Variants in ADAMTS12 observed in about 807,000 individuals in gnomAD.
The protein encoded by ADAMTS12 is ADAM metallopeptidase with thrombospondin type 1 motif 12.
ADAMTS12 carries 118 observed loss-of-function variants against 167.8 expected under a neutral mutation model. The ratio of observed to expected loss-of-function variants is 0.70; its 90% CI spans 0.61 to 0.82. The LOEUF is 0.82. Ranked by LOEUF, ADAMTS12 falls within the 40% of genes least tolerant of loss-of-function variation. The pLI is 0.00. For missense variants in ADAMTS12, 1,916 were observed against 1,998.8 expected, an observed-to-expected ratio of 0.96 and a Z score of 0.79; for synonymous variants, 704 against 716.9, an observed-to-expected ratio of 0.98 and a Z score of 0.29.
At chr5:33,573,545 G>A (rs1746504525) in intron 19 of ADAMTS12, among the ~76,000 whole-genome samples, 1 of 152,186 alleles carries the variant, frequency 6.6e-6, no homozygotes, top group African/African-American at 2.4e-5. Context: ...CTAGCCATAT[G>A]TAGAAAGCTG....
chr5:33,832,779 C>A (rs1242491159), intron 2 of ADAMTS12, among the ~76,000 whole-genome samples: 1 of 152,136 alleles, frequency 6.6e-6, no homozygotes, highest in African/African-American at 2.4e-5. Context: ...TACTTTGCTT[C>A]CATTTATATC....
intron 15 of ADAMTS12, among the ~76,000 whole-genome samples, chr5:33,615,094 C>T (rs1271536281): frequency 6.6e-6 from 1 of 152,144 alleles, no homozygotes; most frequent in Admixed American, 6.5e-5. Flanking sequence ...ATTGATTCAC[C>T]TTAAACATAG....
At chr5:33,532,271 C>T (rs1363648115) in intron 23 of ADAMTS12, among the ~76,000 whole-genome samples, 1 of 152,108 alleles carries the variant, frequency 6.6e-6, no homozygotes, top group Non-Finnish European at 1.5e-5. Context: ...TGACTTTGGG[C>T]TTCTTGAGGC....
At chr5:33,774,880 ATATT>A (rs1353322001) in intron 2 of ADAMTS12, among the ~76,000 whole-genome samples, 1 of 152,174 alleles carries the variant, frequency 6.6e-6, no homozygotes, top group Non-Finnish European at 1.5e-5. Flanking sequence ...TGAGAACACT[ATATT>A]TATGTTTATA....
chr5:33,561,616 T>C (rs1745753755), intron 19 of ADAMTS12, among the ~76,000 whole-genome samples: 1 of 152,114 alleles, frequency 6.6e-6, no homozygotes, highest in African/African-American at 2.4e-5. Flanking sequence ...AACCCATCTC[T>C]AAAGAAATTT....
chr5:33,632,222 G>A (rs907979352), intron 12 of ADAMTS12, among the ~76,000 whole-genome samples: 1 of 152,134 alleles, frequency 6.6e-6, no homozygotes, highest in African/African-American at 2.4e-5. Flanking sequence ...TAAAGATGGA[G>A]ATAGACTCTG....
chr5:33,648,547 G>T (rs1448751422), intron 9 of ADAMTS12, among the ~76,000 whole-genome samples: 1 of 152,190 alleles, frequency 6.6e-6, no homozygotes, highest in African/African-American at 2.4e-5. Flanking sequence ...GAGTCTGCAG[G>T]TGTGAATCAC....
In ADAMTS12 at chr5:33,595,930, T is replaced by A; in HGVS notation, c.2654+4A>T. The A allele has an allele frequency of 1.2e-6, 2 of 1,614,056 alleles. No individual in the cohort carries two copies. Among genetic ancestry groups the A allele is most frequent in the Non-Finnish European group, 1.7e-6 (2 of 1,179,918 alleles). On this transcript the variant is annotated splice_donor_region_variant and intron_variant, in intron 17 of 23. Coordinates refer to ENST00000504830, the MANE Select transcript of ADAMTS12 (RefSeq NM_030955.4). ...ACAGAGCTCCAGCTGTTAGCGATGG[T>A]TACCTGGGTGGACAAGCCTTTTCAT...
chr5:33,819,342 T>G (rs1363706917), intron 2 of ADAMTS12, among the ~76,000 whole-genome samples: 2 of 152,178 alleles, frequency 1.3e-5, no homozygotes, highest in African/African-American at 4.8e-5. Context: ...CTATTCTTTT[T>G]TCATTGTGTC....
intron 2 of ADAMTS12, among the ~76,000 whole-genome samples, chr5:33,848,332 G>C (rs1442016593): frequency 6.6e-6 from 1 of 152,138 alleles, no homozygotes; most frequent in African/African-American, 2.4e-5. Context: ...AGTGCCAGTT[G>C]TCACCCAACA....
chr5:33,836,001 T>C (rs1048114889), intron 2 of ADAMTS12, among the ~76,000 whole-genome samples: 2 of 148,424 alleles, frequency 1.3e-5, no homozygotes, highest in Non-Finnish European at 3.0e-5. Context: ...AAGACCCAAA[T>C]AAGGGAAATA....
At chr5:33,600,435 T>C (rs1272724089) in intron 16 of ADAMTS12, among the ~76,000 whole-genome samples, 5 of 152,184 alleles carry the variant, frequency 3.3e-5, no homozygotes, top group Admixed American at 3.3e-4. Flanking sequence ...AATATCCAGA[T>C]TGTAAAATCA....
intron 2 of ADAMTS12, among the ~76,000 whole-genome samples, chr5:33,822,641 C>A (rs1043074013): frequency 7.9e-5 from 12 of 151,890 alleles, no homozygotes; most frequent in Admixed American, 5.9e-4. Flanking sequence ...TCTTGGTCCA[C>A]AAATTAAAAG....
intron 5 of ADAMTS12, among the ~76,000 whole-genome samples, chr5:33,662,479 G>C (rs547425661): frequency 2.0e-5 from 3 of 152,294 alleles, no homozygotes; most frequent in African/African-American, 7.2e-5. Context: ...CAAGGCTAGA[G>C]TTGCACTGGA....
chr5:33,614,130 C>T, intron 16 of ADAMTS12, 108 bp downstream of exon 16: 1 of 1,429,638 alleles, frequency 7.0e-7, no homozygotes, highest in Non-Finnish European at 9.4e-7. Context: ...CTCAGTGGAG[C>T]CCTGCAGATC....
At chr5:33,787,934 T>C (rs985075585) in intron 2 of ADAMTS12, among the ~76,000 whole-genome samples, 3 of 152,222 alleles carry the variant, frequency 2.0e-5, no homozygotes, top group Non-Finnish European at 2.9e-5. Context: ...TGCCAGATAA[T>C]TGAAGACAAA....
intron 9 of ADAMTS12, among the ~76,000 whole-genome samples, chr5:33,647,765 G>A (rs529728181): frequency 1.4e-4 from 21 of 152,120 alleles, no homozygotes; most frequent in African/African-American, 5.1e-4. Context: ...AAATTTAGGA[G>A]GCAGAATTGG....
At chr5:33,751,677 T>A in intron 2 of ADAMTS12, 129 bp from the exon 3 acceptor site, 1 of 810,236 alleles carries the variant, frequency 1.2e-6, no homozygotes, top group South Asian at 1.8e-5. Flanking sequence ...GAGTCTGCTG[T>A]TCGATCTCAT....
intron 15 of ADAMTS12, among the ~76,000 whole-genome samples, chr5:33,615,254 G>C (rs1225001121): frequency 6.6e-6 from 1 of 152,134 alleles, no homozygotes; most frequent in Non-Finnish European, 1.5e-5. Flanking sequence ...GGCTCGAAAA[G>C]GATGTCTCTC....
Sources: allele counts gnomAD v4.1 joint callset (sites outside exome capture counted in the v4.1 genomes callset), GRCh38; gene constraint gnomAD v4.1.1; transcripts MANE v1.5; gene names NCBI Gene and HGNC (gene_info 2026-07-23, HGNC 2026-07-21).